PDPN: variants seen among roughly 807,000 people sequenced by gnomAD.
PDPN encodes podoplanin.
A neutral mutation model predicts 23.2 loss-of-function variants in PDPN; 12 were observed. The observed-to-expected ratio is 0.52, with a 90% CI of 0.33 to 0.84. The LOEUF (loss-of-function observed/expected upper bound fraction) is 0.84, where lower values mean the gene tolerates loss of function less well. Among genes scored for constraint, PDPN ranks in the 40% least tolerant of loss-of-function variants. The pLI, the probability that PDPN is intolerant of heterozygous loss-of-function variation, is 0.02. For synonymous variants in PDPN, 77 were observed against 76.7 expected (o/e 1.00, Z -0.02); for missense variants, 199 against 212.2 (o/e 0.94, Z 0.39).
intron 1 of PDPN, chr1:13,584,421 T>G: frequency 1.0e-6 from 1 of 1,002,312 alleles, no homozygotes; most frequent in South Asian, 1.8e-5. Flanking sequence ...GCAGCCCCGC[T>G]TGCTGGCAGC....
At chr1:13,602,853 C>T (rs372442932) in intron 1 of PDPN, among the ~76,000 whole-genome samples, 45 of 152,114 alleles carry the variant, frequency 3.0e-4, no homozygotes, top group African/African-American at 1.0e-3. Flanking sequence ...CAGGCGTGAG[C>T]CACCGTGCCT....
chr1:13,593,177 G>A (rs959486521), intron 1 of PDPN, among the ~76,000 whole-genome samples: 2 of 152,180 alleles, frequency 1.3e-5, no homozygotes, highest in African/African-American at 2.4e-5. Flanking sequence ...GAGGAAACAC[G>A]ATAGACACAT....
chr1:13,615,928 G>A lies in PDPN; in HGVS notation c.*17G>A, dbSNP rs376388377. The stretch of plus-strand genomic sequence containing the variant: ...AGGCCCTAAAGAGCTGAAGGGTTAC[G>A]CCCTGCTGCCAACGTGCTTAAAAAA... On this transcript the variant is annotated 3_prime_UTR_variant, in exon 6 of 6. Coordinates refer to ENST00000621990, the MANE Select transcript of PDPN (RefSeq NM_006474.5). 48 of 1,612,242 alleles carry A rather than the reference G, an allele frequency of 3.0e-5. No homozygotes were observed. The highest frequency in any genetic ancestry group is 5.3e-5 in the African/African-American group (4 of 74,836).
intron 2 of PDPN, among the ~76,000 whole-genome samples, chr1:13,608,242 C>G (rs1003685511): frequency 2.6e-5 from 4 of 152,136 alleles, no homozygotes; most frequent in African/African-American, 9.7e-5. Context: ...CATTCTTAAC[C>G]TGATGAATTT....
intron 5 of PDPN, chr1:13,614,990 C>A (rs958173318): frequency 2.9e-6 from 1 of 339,918 alleles, no homozygotes; most frequent in South Asian, 2.2e-5. Context: ...GGAAGAAAAC[C>A]CAAACCAAGT....
At chr1:13,599,543 G>A (rs773434677) in intron 1 of PDPN, among the ~76,000 whole-genome samples, 6 of 151,784 alleles carry the variant, frequency 4.0e-5, no homozygotes, top group East Asian at 3.9e-4. Flanking sequence ...CCACCATCAC[G>A]CCTGGCTAAT....
intron 1 of PDPN, among the ~76,000 whole-genome samples, chr1:13,596,527 G>A (rs555158005): frequency 8.5e-4 from 129 of 152,312 alleles, no homozygotes; most frequent in Non-Finnish European, 1.5e-3. Flanking sequence ...TGATTATGTC[G>A]ATCACGACCA....
At chr1:13,584,460 G>A (rs529723065) in intron 1 of PDPN, 4 of 682,816 alleles carry the variant, frequency 5.9e-6, no homozygotes, top group Non-Finnish European at 9.5e-6. Flanking sequence ...CCCATAGAGC[G>A]GTGTGTTGGA....
intron 1 of PDPN, among the ~76,000 whole-genome samples, chr1:13,591,184 C>T (rs1176486994): frequency 6.6e-6 from 1 of 152,142 alleles, no homozygotes; most frequent in East Asian, 1.9e-4. Flanking sequence ...TCGTGATCCG[C>T]CCACCTCAGC....
rs1053210335 is a variant in PDPN at position 13,616,685 on chromosome 1, A to T, written c.*774A>T. 2 of 152,296 alleles carry T rather than the reference A, an allele frequency of 1.3e-5. No homozygotes were observed. Among genetic ancestry groups the T allele is most frequent in the Non-Finnish European group, 2.9e-5 (2 of 68,140 alleles). 9.4% of individuals were successfully genotyped at this position (152,296 alleles called of 1,614,324 possible). A position where few individuals can be genotyped will look rare whatever the true frequency, so the allele number is the denominator to read the frequency against. ...CTGCCCCCTCCACTTCCCTCAGATG[A>T]TGAGGAGCCAGGGCTAAGGGGGCAG... is the stretch of plus-strand genomic sequence containing the variant. On this transcript the variant is annotated 3_prime_UTR_variant, in exon 6 of 6. Coordinates refer to ENST00000621990, the MANE Select transcript of PDPN (RefSeq NM_006474.5).
intron 5 of PDPN, 144 bp downstream of exon 5, chr1:13,614,555 C>T: frequency 1.6e-6 from 1 of 622,484 alleles, no homozygotes; most frequent in East Asian, 2.7e-5. Flanking sequence ...CACCTGCAGA[C>T]CAGCCTGGGC....
chr1:13,614,498 A>G, intron 5 of PDPN, 87 bp downstream of exon 5: 1 of 782,952 alleles, frequency 1.3e-6, no homozygotes, highest in Admixed American at 2.0e-5. Flanking sequence ...GAAATCTCTG[A>G]TATAAGCTGG....
At chr1:13,614,050 A>G (rs1641003255) in intron 4 of PDPN, among the ~76,000 whole-genome samples, 2 of 152,142 alleles carry the variant, frequency 1.3e-5, no homozygotes, top group Non-Finnish European at 1.5e-5. Flanking sequence ...AACACTACCC[A>G]AAAATTAACA....
intron 1 of PDPN, among the ~76,000 whole-genome samples, chr1:13,600,213 A>T (rs1016418746): frequency 1.3e-5 from 2 of 152,136 alleles, no homozygotes; most frequent in African/African-American, 4.8e-5. Context: ...GAACCCAGGG[A>T]GGGAGGCAGC....
chr1:13,600,261 C>T lies in PDPN; in HGVS notation c.68-6912C>T, dbSNP rs185728240. 4.1e-3 allele frequency among the ~76,000 whole-genome samples: 630 copies of T among 152,196 alleles called. 3 individuals carry two copies. The highest frequency in any genetic ancestry group is 6.3e-3 in the Non-Finnish European group (428 of 68,004). ...CCAAAGCTGCCGGGAGAGCACATCACGAAAATGCACAGCTGCTTTTTAGTT... is the reference window on the plus strand; with the variant it reads ...CCAAAGCTGCCGGGAGAGCACATCATGAAAATGCACAGCTGCTTTTTAGTT... On this transcript the variant is annotated intron_variant, in intron 1 of 5. Transcript: ENST00000621990.
At chr1:13,594,413 C>T (rs904245389) in intron 1 of PDPN, among the ~76,000 whole-genome samples, 1 of 152,066 alleles carries the variant, frequency 6.6e-6, no homozygotes, top group Non-Finnish European at 1.5e-5. Context: ...CTTGGCAGCC[C>T]CTCCTCAATA....
chr1:13,597,242 A>G (rs1254112474), intron 1 of PDPN, among the ~76,000 whole-genome samples: 1 of 152,214 alleles, frequency 6.6e-6, no homozygotes, highest in East Asian at 1.9e-4. Flanking sequence ...GCTTCTCAAT[A>G]GCCACAAGTC....
At chr1:13,589,602 G>C (rs886846500) in intron 1 of PDPN, among the ~76,000 whole-genome samples, 9 of 152,180 alleles carry the variant, frequency 5.9e-5, no homozygotes, top group Non-Finnish European at 1.3e-4. Flanking sequence ...AAGAGACTCA[G>C]TGAGGTTCAG....
At chr1:13,591,302 A>G (rs1417104468) in intron 1 of PDPN, among the ~76,000 whole-genome samples, 1 of 152,206 alleles carries the variant, frequency 6.6e-6, no homozygotes, top group Non-Finnish European at 1.5e-5. Context: ...TTGACTTGTT[A>G]CTAGTCACCT....
Sources: gnomAD v4.1 joint callset for allele counts (sites outside exome capture counted in the v4.1 genomes callset) on GRCh38, gnomAD v4.1.1 for gene constraint, MANE v1.5 for transcripts, NCBI Gene and HGNC (gene_info 2026-07-23, HGNC 2026-07-21) for gene names.